WIPF2: variants seen among roughly 807,000 people sequenced by gnomAD.
WIPF2 encodes the protein WAS/WASL-interacting protein family member 2.
WIPF2 carries 23 observed loss-of-function variants against 38.8 expected under a neutral mutation model. That is an observed-to-expected ratio of 0.59 (90% CI 0.43 to 0.84). WIPF2 has a LOEUF of 0.84. WIPF2 is among the 40% of genes least tolerant of loss of function. WIPF2 has a pLI of 0.00. For missense variants in WIPF2, 574 were observed against 580.5 expected (o/e 0.99, Z 0.11); for synonymous variants, 210 against 223.2 (o/e 0.94, Z 0.53).
intron 1 of WIPF2, among the ~76,000 whole-genome samples, chr17:40,233,472 A>ATG (rs1437854495): frequency 6.6e-6 from 1 of 151,474 alleles, no homozygotes; most frequent in Non-Finnish European, 1.5e-5. Context: ...TCTATATAGT[A>ATG]TGTTTAGGCT....
At chr17:40,232,131 G>C (rs1182664577) in intron 1 of WIPF2, among the ~76,000 whole-genome samples, 3 of 146,450 alleles carry the variant, frequency 2.0e-5, no homozygotes, top group African/African-American at 5.1e-5. Flanking sequence ...TCCCACCTCA[G>C]CGTCCTGAGT....
intron 1 of WIPF2, among the ~76,000 whole-genome samples, chr17:40,222,235 G>T (rs1188017350): frequency 6.6e-6 from 1 of 151,348 alleles, no homozygotes; most frequent in Non-Finnish European, 1.5e-5. Flanking sequence ...TGTATTTTTA[G>T]TAGAGACAGG....
intron 1 of WIPF2, among the ~76,000 whole-genome samples, chr17:40,247,532 C>CT (rs1250491063): frequency 2.2e-5 from 3 of 138,080 alleles, no homozygotes; most frequent in Non-Finnish European, 3.1e-5. Context: ...TTTTTTTTTA[C>CT]TTTTTTTGAG....
At chr17:40,249,412 A>C (rs893865130) in intron 1 of WIPF2, among the ~76,000 whole-genome samples, 38 of 152,064 alleles carry the variant, frequency 2.5e-4, no homozygotes, top group African/African-American at 9.2e-4. Context: ...TTGAATAGAA[A>C]AATAGGCTTT....
chr17:40,235,336 C>G (rs537496202), intron 1 of WIPF2, among the ~76,000 whole-genome samples: 1 of 152,126 alleles, frequency 6.6e-6, no homozygotes, highest in African/African-American at 2.4e-5. Context: ...AATTTAGCGC[C>G]CAGTATAATG....
At chr17:40,253,965 C>A (rs1056251213) in intron 1 of WIPF2, among the ~76,000 whole-genome samples, 1 of 151,922 alleles carries the variant, frequency 6.6e-6, no homozygotes, top group South Asian at 2.1e-4. Flanking sequence ...GTTTTGGTCA[C>A]CCATGTAAGG....
intron 5 of WIPF2, among the ~76,000 whole-genome samples, chr17:40,272,995 A>G (rs1193203834): frequency 6.6e-6 from 1 of 152,192 alleles, no homozygotes; most frequent in Non-Finnish European, 1.5e-5. Flanking sequence ...TTGGTGTGGT[A>G]GGTTACTATG....
chr17:40,264,832 C>T lies in WIPF2; in HGVS notation c.656C>T (p.Pro219Leu), dbSNP rs748621264. Reference protein sequence around the residue: ...LPPTPGQRLHPGREGPPAPPP... With the variant: ...LPPTPGQRLHLGREGPPAPPP... ...CCGACGCCTGGACAAAGGCTTCACC[C>T]TGGTCGAGAGGGACCTCCTGCTCCA... Residue 219 changes from proline (P) to leucine (L), a missense_variant, in exon 5 of 8, where the codon CCT (proline) becomes CTT (leucine). Pro to Leu is a moderately conservative substitution (Grantham distance 98, BLOSUM62 -3). Coordinates refer to ENST00000323571, the MANE Select transcript of WIPF2 (RefSeq NM_133264.5). The T allele has an allele frequency of 3.1e-6, 5 of 1,614,002 alleles. No individual in the cohort carries two copies. Among genetic ancestry groups the T allele is most frequent in the Admixed American group, 3.3e-5 (2 of 59,996 alleles).
In WIPF2 at chr17:40,242,557, G is replaced by A. The variant is rs144500202; in HGVS notation, c.-69-13834G>A. 4.4e-3 allele frequency among the ~76,000 whole-genome samples: 666 copies of A among 152,060 alleles called. 3 individuals are homozygous for A. Among genetic ancestry groups the A allele is most frequent in the Non-Finnish European group, 6.9e-3 (472 of 67,972 alleles). ...TGGGATTACAGGCGCCCGCCGCCACGCCTGGCTAATTTTTTTGTATTTTTA... is the reference window on the plus strand; with the variant it reads ...TGGGATTACAGGCGCCCGCCGCCACACCTGGCTAATTTTTTTGTATTTTTA... On this transcript the variant is annotated intron_variant, in intron 1 of 7. Coordinates refer to ENST00000323571, the MANE Select transcript of WIPF2 (RefSeq NM_133264.5).
At chr17:40,262,364 T>A (rs913810614) in intron 3 of WIPF2, among the ~76,000 whole-genome samples, 161 bp from the exon 4 acceptor site, 2 of 152,216 alleles carry the variant, frequency 1.3e-5, no homozygotes, top group Non-Finnish European at 2.9e-5. Context: ...ATTAGCAGCA[T>A]GAGCCACTGT....
At chr17:40,268,980 C>G (rs958488016) in intron 5 of WIPF2, among the ~76,000 whole-genome samples, 6 of 151,958 alleles carry the variant, frequency 3.9e-5, no homozygotes, top group Admixed American at 3.9e-4. Flanking sequence ...AGACGGAGTT[C>G]AAGACCAGCC....
At position 40,219,375 on chromosome 17, in the gene WIPF2, G is replaced by GGCGGCGGCGGCA; in HGVS notation, c.-176_-175insAGCGGCGGCGGC. On this transcript the variant is annotated 5_prime_UTR_variant, in exon 1 of 8. Transcript: ENST00000323571. Reference sequence around the variant, plus strand: ...GGTTGGCAAAAGGGGCGGTGGCGGCGGCGGCGGCGGCGGCGGCGGCGGCGA... The same window carrying GGCGGCGGCGGCA: ...GGTTGGCAAAAGGGGCGGTGGCGGCGGCGGCGGCGGCAGCGGCGGCGGCGGCGGCGGCGGCGA... 1 of 404,460 alleles carries GGCGGCGGCGGCA rather than the reference G, an allele frequency of 2.5e-6. No homozygotes were observed. The highest frequency in any genetic ancestry group is 5.5e-5 in the East Asian group (1 of 18,148). 25.1% of individuals were successfully genotyped at this position (404,460 alleles called of 1,614,324 possible).
In WIPF2 at chr17:40,234,922, C is replaced by CT. The variant is rs113668532; in HGVS notation, c.-70+15442dup. 1.6e-3 allele frequency among the ~76,000 whole-genome samples: 239 copies of CT among 145,218 alleles called. 1 individual carries two copies. Among genetic ancestry groups the CT allele is most frequent in the Middle Eastern group, 3.5e-3 (1 of 282 alleles). On this transcript the variant is annotated intron_variant, in intron 1 of 7. Coordinates refer to ENST00000323571, the MANE Select transcript of WIPF2 (RefSeq NM_133264.5). ...CCATTGTGCAAATCTTCTTTTTTTC[C>CT]TTTTTTTTTTTTGAGACGGAGTCTT...
intron 2 of WIPF2, among the ~76,000 whole-genome samples, chr17:40,259,890 T>C (rs956018063): frequency 1.3e-5 from 2 of 152,180 alleles, no homozygotes; most frequent in African/African-American, 2.4e-5. Flanking sequence ...ACTCACTAAA[T>C]GTTTGCCTTG....
At chr17:40,254,073 G>C (rs1033012436) in intron 1 of WIPF2, among the ~76,000 whole-genome samples, 3 of 151,024 alleles carry the variant, frequency 2.0e-5, no homozygotes, top group Non-Finnish European at 4.4e-5. Context: ...TTGGAGTGCA[G>C]TGGTGCGTTC....
intron 4 of WIPF2, 80 bp downstream of exon 4, chr17:40,262,721 G>T: frequency 2.6e-6 from 3 of 1,136,232 alleles, no homozygotes; most frequent in Non-Finnish European, 4.0e-6. Flanking sequence ...TCAGGTTGAG[G>T]AGTATGGTAG....
chr17:40,253,116 G>A (rs2031611199), intron 1 of WIPF2, among the ~76,000 whole-genome samples: 1 of 143,178 alleles, frequency 7.0e-6, no homozygotes, highest in Non-Finnish European at 1.5e-5. Flanking sequence ...AGGCTGGAGT[G>A]CAGTGGTGTG....
At chr17:40,271,767 A>G (rs1006238522) in intron 5 of WIPF2, among the ~76,000 whole-genome samples, 2 of 152,192 alleles carry the variant, frequency 1.3e-5, no homozygotes, top group Admixed American at 6.6e-5. Context: ...AAGACTTTTT[A>G]AAGATTTAAT....
At chr17:40,250,898 C>T (rs1009888341) in intron 1 of WIPF2, among the ~76,000 whole-genome samples, 14 of 145,924 alleles carry the variant, frequency 9.6e-5, no homozygotes, top group African/African-American at 3.0e-4. Flanking sequence ...TGCCAGTACA[C>T]GTTAGCTATT....
Sources: allele counts gnomAD v4.1 joint callset (sites outside exome capture counted in the v4.1 genomes callset), GRCh38; gene constraint gnomAD v4.1.1; transcripts MANE v1.5; gene names NCBI Gene and HGNC (gene_info 2026-07-23, HGNC 2026-07-21).